Variants in SGCZ observed in about 807,000 individuals in gnomAD.
SGCZ encodes sarcoglycan zeta, also known as zeta-sarcoglycan.
SGCZ carries 40 observed loss-of-function variants against 41.3 expected under a neutral mutation model. That is an observed-to-expected ratio of 0.97 (90% CI 0.75 to 1.26). The LOEUF (loss-of-function observed/expected upper bound fraction) is 1.26. SGCZ is among the 50% of genes most tolerant of loss of function. The probability of loss-of-function intolerance (pLI) is 0.00; values close to 1 mark genes in which losing one functional copy is unlikely to be tolerated. For missense variants in SGCZ, 552 were observed against 369.8 expected (o/e 1.49, Z -4.04); for synonymous variants, 206 against 137.5 (o/e 1.50, Z -3.49).
chr8:15,082,500 GA>G (rs2131047473), intron 1 of SGCZ, among the ~76,000 whole-genome samples: 1 of 151,846 alleles, frequency 6.6e-6, no homozygotes, highest in East Asian at 2.0e-4. Flanking sequence ...GTGGTGGAGG[GA>G]ATTTCCAAAA....
At chr8:14,892,631 A>G (rs750625484) in intron 1 of SGCZ, among the ~76,000 whole-genome samples, 1 of 152,194 alleles carries the variant, frequency 6.6e-6, no homozygotes, top group Non-Finnish European at 1.5e-5. Context: ...ATAGAACAAT[A>G]AATATGCAAG....
chr8:14,795,174 T>TG (rs1324278469), intron 1 of SGCZ, among the ~76,000 whole-genome samples: 1 of 152,170 alleles, frequency 6.6e-6, no homozygotes, highest in African/African-American at 2.4e-5. Flanking sequence ...AAATATTGTT[T>TG]AACATAGGAT....
chr8:14,909,132 G>C (rs1263019207), intron 1 of SGCZ, among the ~76,000 whole-genome samples: 1 of 152,026 alleles, frequency 6.6e-6, no homozygotes, highest in Non-Finnish European at 1.5e-5. Context: ...AATCCATTCA[G>C]TTAATCATTT....
At chr8:14,899,409 C>A (rs1002025137) in intron 1 of SGCZ, among the ~76,000 whole-genome samples, 1 of 152,102 alleles carries the variant, frequency 6.6e-6, no homozygotes, top group African/African-American at 2.4e-5. Context: ...ATTTTATAGT[C>A]TACTTGCCAA....
intron 1 of SGCZ, among the ~76,000 whole-genome samples, chr8:14,932,184 T>A (rs78317767): frequency 0.065 from 9,930 of 151,972 alleles, 576 homozygotes; most frequent in African/African-American, 0.14. Context: ...TGAAAATCAT[T>A]CCTGCCCCTA....
intron 1 of SGCZ, among the ~76,000 whole-genome samples, chr8:14,856,310 G>C (rs1803543481): frequency 6.6e-6 from 1 of 152,176 alleles, no homozygotes; most frequent in Admixed American, 6.5e-5. Context: ...CTTCAGGGGA[G>C]ATTTGGGAAG....
intron 1 of SGCZ, among the ~76,000 whole-genome samples, chr8:14,711,350 G>C (rs1809507574): frequency 6.6e-6 from 1 of 151,320 alleles, no homozygotes; most frequent in South Asian, 2.1e-4. Flanking sequence ...TGCACTTTGG[G>C]AGGCTGAGGC....
intron 1 of SGCZ, among the ~76,000 whole-genome samples, chr8:15,087,642 T>C (rs181948640): frequency 6.6e-6 from 1 of 152,274 alleles, no homozygotes; most frequent in East Asian, 1.9e-4. Context: ...ATGACAGTGT[T>C]TATTTAATAA....
chr8:14,760,475 T>A (rs1389406652), intron 1 of SGCZ, among the ~76,000 whole-genome samples: 2 of 152,230 alleles, frequency 1.3e-5, no homozygotes, highest in Non-Finnish European at 2.9e-5. Context: ...TTTGTCTGCC[T>A]TAATAAACCA....
chr8:14,718,902 T>G (rs199946858), intron 1 of SGCZ, among the ~76,000 whole-genome samples: 42,329 of 145,360 alleles, frequency 0.29, 6,771 homozygotes, highest in East Asian at 0.4. Flanking sequence ...GTGCACCATG[T>G]GCAGGTTAGT....
chr8:15,028,861 T>C (rs1189405344), intron 1 of SGCZ, among the ~76,000 whole-genome samples: 13 of 152,020 alleles, frequency 8.6e-5, no homozygotes, highest in Admixed American at 7.2e-4. Context: ...GGTCTGTAAA[T>C]CCTCCAAATT....
chr8:15,118,140 T>G (rs1166331636), intron 1 of SGCZ, among the ~76,000 whole-genome samples: 2 of 152,214 alleles, frequency 1.3e-5, no homozygotes, highest in African/African-American at 4.8e-5. Context: ...TTGTTAAGTT[T>G]TATAAATCAC....
chr8:14,485,021 A>G (rs1360114861), intron 2 of SGCZ, among the ~76,000 whole-genome samples: 6 of 152,184 alleles, frequency 3.9e-5, no homozygotes, highest in Non-Finnish European at 8.8e-5. Context: ...GTTTCTCTTT[A>G]TGGCTTTAAA....
At chr8:14,904,798 A>G (rs1165890619) in intron 1 of SGCZ, among the ~76,000 whole-genome samples, 1 of 151,912 alleles carries the variant, frequency 6.6e-6, no homozygotes, top group East Asian at 1.9e-4. Flanking sequence ...TTTGCCAGTA[A>G]TTCTTTTTTT....
At chr8:14,466,960 GT>G (rs532597363) in intron 2 of SGCZ, among the ~76,000 whole-genome samples, 46 of 151,590 alleles carry the variant, frequency 3.0e-4, no homozygotes, top group African/African-American at 1.1e-3. Context: ...TTCAAGAACA[GT>G]TTTTTTTATT....
At chr8:15,015,014 G>C (rs1293372371) in intron 1 of SGCZ, among the ~76,000 whole-genome samples, 1 of 152,192 alleles carries the variant, frequency 6.6e-6, no homozygotes, top group African/African-American at 2.4e-5. Context: ...GGCCAAGGCG[G>C]GTAGACCACT....
At chr8:14,676,154 A>G (rs915506266) in intron 1 of SGCZ, among the ~76,000 whole-genome samples, 1 of 152,206 alleles carries the variant, frequency 6.6e-6, no homozygotes, top group African/African-American at 2.4e-5. Context: ...CTAACACATG[A>G]TATAATGTTG....
chr8:15,073,314 G>A (rs1007123756), intron 1 of SGCZ, among the ~76,000 whole-genome samples: 6 of 152,126 alleles, frequency 3.9e-5, no homozygotes, highest in African/African-American at 1.4e-4. Flanking sequence ...ATTTCCTAGT[G>A]CTATCCTAAT....
At chr8:14,935,809 G>T (rs575178850) in intron 1 of SGCZ, among the ~76,000 whole-genome samples, 2 of 151,674 alleles carry the variant, frequency 1.3e-5, no homozygotes, top group African/African-American at 4.8e-5. Context: ...ATAGACGAAA[G>T]ATCAAAACAG....
Sources: gnomAD v4.1 joint callset for allele counts (sites outside exome capture counted in the v4.1 genomes callset) on GRCh38, gnomAD v4.1.1 for gene constraint, MANE v1.5 for transcripts, NCBI Gene and HGNC (gene_info 2026-07-23, HGNC 2026-07-21) for gene names.